The following KIAA1217 variants were observed in gnomAD, a reference collection of about 807,000 sequenced individuals.
KIAA1217 encodes the protein KIAA1217.
KIAA1217 carries 88 observed loss-of-function variants against 163.9 expected under a neutral mutation model. The observed-to-expected ratio is 0.54, with a 90% CI of 0.45 to 0.64. KIAA1217 has a LOEUF of 0.64. Ranked by LOEUF, KIAA1217 falls within the 30% of genes least tolerant of loss-of-function variation. The probability of loss-of-function intolerance (pLI) is 0.00; values close to 1 mark genes in which losing one functional copy is unlikely to be tolerated. For missense variants in KIAA1217, 2,372 were observed against 2,475.0 expected (o/e 0.96, Z 0.88); for synonymous variants, 903 against 923.1 (o/e 0.98, Z 0.39).
intron 1 of KIAA1217, among the ~76,000 whole-genome samples, chr10:23,955,690 T>G (rs376196896): frequency 6.6e-6 from 1 of 152,218 alleles, no homozygotes; most frequent in African/African-American, 2.4e-5. Context: ...GCAAGTTAGC[T>G]GGATAGTATA....
chr10:24,214,814 C>G (rs1244859200), intron 1 of KIAA1217, among the ~76,000 whole-genome samples: 3 of 152,196 alleles, frequency 2.0e-5, no homozygotes, highest in African/African-American at 7.2e-5. Flanking sequence ...TGTGGCCTAC[C>G]TAATCTTGAC....
intron 1 of KIAA1217, among the ~76,000 whole-genome samples, chr10:23,793,012 TC>T (rs1836028443): frequency 1.3e-5 from 2 of 152,160 alleles, no homozygotes; most frequent in Non-Finnish European, 2.9e-5. Context: ...TGAATGATTT[TC>T]CAGGAAACAT....
At chr10:23,712,603 T>A (rs1455126370) in intron 1 of KIAA1217, among the ~76,000 whole-genome samples, 1 of 152,116 alleles carries the variant, frequency 6.6e-6, no homozygotes, top group Non-Finnish European at 1.5e-5. Flanking sequence ...CACTTTTTTT[T>A]AAGCTTTTGA....
chr10:23,883,628 A>G (rs1436696020), intron 1 of KIAA1217, among the ~76,000 whole-genome samples: 1 of 151,926 alleles, frequency 6.6e-6, no homozygotes, highest in East Asian at 1.9e-4. Flanking sequence ...ACATTGACAC[A>G]TCATTCTCAC....
At chr10:23,952,298 AT>A (rs1387769249) in intron 1 of KIAA1217, among the ~76,000 whole-genome samples, 1 of 151,920 alleles carries the variant, frequency 6.6e-6, no homozygotes, top group Non-Finnish European at 1.5e-5. Context: ...CTGTCCTTTT[AT>A]TTTGCATTTC....
intron 1 of KIAA1217, among the ~76,000 whole-genome samples, chr10:23,993,658 T>C (rs1846329759): frequency 6.7e-6 from 1 of 149,368 alleles, no homozygotes; most frequent in Admixed American, 6.8e-5. Context: ...TGGGTTCAAG[T>C]GATTCTCCTA....
At chr10:24,327,990 T>C (rs147701982) in intron 2 of KIAA1217, among the ~76,000 whole-genome samples, 62 of 152,270 alleles carry the variant, frequency 4.1e-4, no homozygotes, top group African/African-American at 1.5e-3. Flanking sequence ...AGAGGCTAAA[T>C]ATTCATGTCA....
chr10:24,182,265 G>A (rs1452518877), intron 2 of KIAA1217, among the ~76,000 whole-genome samples: 3 of 152,150 alleles, frequency 2.0e-5, no homozygotes, highest in East Asian at 3.8e-4. Flanking sequence ...GTGAAACTCC[G>A]TCTCTACTAA....
intron 6 of KIAA1217, chr10:24,482,148 A>G (rs942960479): frequency 6.6e-6 from 1 of 152,186 alleles, no homozygotes; most frequent in African/African-American, 2.4e-5. Context: ...CACCAGGGAT[A>G]CTCTGTCAGA....
chr10:24,091,003 A>T (rs997070416), intron 2 of KIAA1217, among the ~76,000 whole-genome samples: 1 of 151,970 alleles, frequency 6.6e-6, no homozygotes, highest in Non-Finnish European at 1.5e-5. Flanking sequence ...TCCAAAAATA[A>T]GAAAGTACAT....
At chr10:24,515,699 G>A (rs1425229639) in intron 10 of KIAA1217, among the ~76,000 whole-genome samples, 1 of 152,304 alleles carries the variant, frequency 6.6e-6, no homozygotes, top group Non-Finnish European at 1.5e-5. Flanking sequence ...CCAGGGATCA[G>A]GAAGACTTAA....
At chr10:23,974,470 T>G (rs1845452635) in intron 1 of KIAA1217, among the ~76,000 whole-genome samples, 1 of 151,982 alleles carries the variant, frequency 6.6e-6, no homozygotes, top group Non-Finnish European at 1.5e-5. Flanking sequence ...TTTAAAAGGG[T>G]TTATAAGGAT....
chr10:24,031,835 C>T (rs542368596), intron 2 of KIAA1217, among the ~76,000 whole-genome samples: 1 of 152,284 alleles, frequency 6.6e-6, no homozygotes, highest in South Asian at 2.1e-4. Flanking sequence ...AATGGACTCA[C>T]TTTCTCCTTA....
At chr10:23,909,184 G>A (rs1430542605) in intron 1 of KIAA1217, among the ~76,000 whole-genome samples, 3 of 152,008 alleles carry the variant, frequency 2.0e-5, no homozygotes, top group Non-Finnish European at 4.4e-5. Context: ...TGACACAATG[G>A]ACTTTGCAGA....
intron 2 of KIAA1217, among the ~76,000 whole-genome samples, chr10:24,369,408 T>C (rs1401058746): frequency 6.6e-6 from 1 of 152,162 alleles, no homozygotes; most frequent in East Asian, 1.9e-4. Context: ...CCCAGTTCCC[T>C]GTGGCCTTCT....
At chr10:24,391,365 G>T (rs573738774) in intron 3 of KIAA1217, among the ~76,000 whole-genome samples, 250 of 86,002 alleles carry the variant, frequency 2.9e-3, no homozygotes, top group African/African-American at 0.012. Context: ...TTTTTTGTGA[G>T]ACGGAGTTTT....
chr10:24,278,177 C>A (rs1017563516), intron 2 of KIAA1217, among the ~76,000 whole-genome samples: 2 of 152,140 alleles, frequency 1.3e-5, no homozygotes, highest in Non-Finnish European at 2.9e-5. Context: ...CACATTACAG[C>A]CACAGTGGCG....
chr10:23,814,529 C>T (rs1458297307), intron 1 of KIAA1217, among the ~76,000 whole-genome samples: 1 of 152,100 alleles, frequency 6.6e-6, no homozygotes, highest in African/African-American at 2.4e-5. Context: ...TGGGGATGAC[C>T]CAAACAAGCA....
intron 2 of KIAA1217, among the ~76,000 whole-genome samples, chr10:24,088,200 C>G (rs2061771624): frequency 8.4e-6 from 1 of 118,390 alleles, no homozygotes; most frequent in Non-Finnish European, 2.1e-5. Context: ...CTCCTCTGCC[C>G]AGGCTCAAGG....
Sources: gnomAD v4.1 joint callset for allele counts (sites outside exome capture counted in the v4.1 genomes callset) on GRCh38, gnomAD v4.1.1 for gene constraint, MANE v1.5 for transcripts, NCBI Gene and HGNC (gene_info 2026-07-23, HGNC 2026-07-21) for gene names.